The following COL15A1 variants were observed in gnomAD, a reference collection of about 807,000 sequenced individuals.
COL15A1 encodes collagen type XV alpha 1 chain.
Under a neutral mutation model 165.9 loss-of-function variants are expected in COL15A1, and 111 were observed. The ratio of observed to expected loss-of-function variants is 0.67; its 90% CI spans 0.57 to 0.78. The LOEUF (loss-of-function observed/expected upper bound fraction) is 0.78, where lower values mean the gene tolerates loss of function less well. COL15A1 is among the 30% of genes least tolerant of loss of function. The pLI, the probability that COL15A1 is intolerant of heterozygous loss-of-function variation, is 0.00. For missense variants in COL15A1, 1,745 were observed against 1,789.7 expected (o/e 0.98, Z 0.45); for synonymous variants, 659 against 674.8 (o/e 0.98, Z 0.36).
chr9:98,985,538 G>A, intron 2 of COL15A1, 27 bp from the exon 3 acceptor site: 1 of 1,593,100 alleles, frequency 6.3e-7, no homozygotes, highest in Middle Eastern at 1.8e-4. Context: ...TACCTGTAAA[G>A]CGTGGCCTCT....
chr9:99,002,108 C>T (rs1030352264), intron 7 of COL15A1, among the ~76,000 whole-genome samples: 2 of 139,212 alleles, frequency 1.4e-5, no homozygotes, highest in Non-Finnish European at 3.1e-5. Flanking sequence ...CTCTCACCTC[C>T]TCCTTCCCTC....
chr9:99,036,092 G>A (rs868792191), intron 19 of COL15A1, 78 bp from the exon 20 acceptor site: 13 of 1,189,160 alleles, frequency 1.1e-5, no homozygotes, highest in Middle Eastern at 2.7e-4. Context: ...AAAGCTTAGG[G>A]GGAGATGGTG....
At chr9:99,063,273 G>C (rs970735987) in intron 39 of COL15A1, among the ~76,000 whole-genome samples, 164 bp downstream of exon 39, 1 of 152,140 alleles carries the variant, frequency 6.6e-6, no homozygotes, top group East Asian at 1.9e-4. Flanking sequence ...AGTTGTTTGG[G>C]TGAACCAAGC....
At chr9:99,005,155 A>C in intron 9 of COL15A1, 105 bp downstream of exon 9, 1 of 1,209,476 alleles carries the variant, frequency 8.3e-7, no homozygotes. Flanking sequence ...AGCCTGAGGC[A>C]CGGGGATCTC....
chr9:98,970,394 G>A (rs1443758550), intron 2 of COL15A1, among the ~76,000 whole-genome samples: 1 of 152,222 alleles, frequency 6.6e-6, no homozygotes, highest in Non-Finnish European at 1.5e-5. Context: ...AGGAAAGGAG[G>A]GAAATGCAGA....
intron 35 of COL15A1, among the ~76,000 whole-genome samples, chr9:99,059,020 G>A (rs781036449): frequency 3.3e-5 from 5 of 152,174 alleles, no homozygotes; most frequent in Non-Finnish European, 7.3e-5. Flanking sequence ...ACAGCCAAAG[G>A]AATAGTTGTA....
chr9:99,053,119 C>A (rs930164006), intron 31 of COL15A1, among the ~76,000 whole-genome samples: 7 of 152,248 alleles, frequency 4.6e-5, no homozygotes, highest in African/African-American at 1.7e-4. Context: ...ATCAGAAAGG[C>A]ACAGGCCAGG....
intron 2 of COL15A1, among the ~76,000 whole-genome samples, chr9:98,964,305 G>T (rs16918101): frequency 0.088 from 13,292 of 151,562 alleles, 816 homozygotes; most frequent in East Asian, 0.3. Flanking sequence ...TCCACAGGCT[G>T]TTCCTCCAGC....
Position 99,015,567 on chromosome 9 carries a change from G to GT in COL15A1, c.1503+2dup. The GT allele has an allele frequency of 6.2e-7, 1 of 1,613,392 alleles. No individual in the cohort carries two copies. The highest frequency in any genetic ancestry group is 8.5e-7 in the Non-Finnish European group (1 of 1,179,674). On this transcript the variant is annotated splice_donor_variant, in intron 10 of 41. Coordinates refer to ENST00000375001, the MANE Select transcript of COL15A1 (RefSeq NM_001855.5). LOFTEE classifies it high-confidence loss of function. ...GGCCCCTGAGCGGGCAGTCACTTCT[G>GT]TAAGTGTCATCTTGTGTCCTCTCTG...
At chr9:98,991,196 G>A (rs1003097600) in intron 5 of COL15A1, among the ~76,000 whole-genome samples, 1 of 152,152 alleles carries the variant, frequency 6.6e-6, no homozygotes, top group African/African-American at 2.4e-5. Flanking sequence ...TTCCACAATG[G>A]GAAAAGGACC....
intron 27 of COL15A1, 26 bp from the exon 28 acceptor site, chr9:99,047,915 A>C (rs1428266354): frequency 2.5e-6 from 4 of 1,609,530 alleles, no homozygotes; most frequent in Non-Finnish European, 2.6e-6. Context: ...CGGAGGGTTT[A>C]CTGAGGTGTC....
intron 3 of COL15A1, 72 bp from the exon 4 acceptor site, chr9:98,987,222 A>C (rs16918110): frequency 0.014 from 20,278 of 1,450,680 alleles, 1,078 homozygotes; most frequent in Admixed American, 0.13. Context: ...TTGCCAAAAC[A>C]ATCATGTCTT....
intron 9 of COL15A1, among the ~76,000 whole-genome samples, chr9:99,007,591 G>A (rs1002873211): frequency 3.3e-5 from 5 of 152,062 alleles, no homozygotes; most frequent in East Asian, 3.8e-4. Context: ...AGAAAATAGC[G>A]GGAGGGAGAA....
At chr9:99,029,547 A>C (rs1839181409) in intron 16 of COL15A1, among the ~76,000 whole-genome samples, 1 of 152,272 alleles carries the variant, frequency 6.6e-6, no homozygotes, top group Non-Finnish European at 1.5e-5. Context: ...GAAACACTGA[A>C]ATAGTTGCCT....
chr9:99,020,751 A>G (rs1839012501), intron 12 of COL15A1, among the ~76,000 whole-genome samples: 1 of 152,172 alleles, frequency 6.6e-6, no homozygotes, highest in African/African-American at 2.4e-5. Flanking sequence ...ATCTGCAACC[A>G]GTTTTCTTCA....
At chr9:99,062,914 A>T in intron 38 of COL15A1, 136 bp from the exon 39 acceptor site, 1 of 1,006,420 alleles carries the variant, frequency 9.9e-7, no homozygotes, top group Non-Finnish European at 1.4e-6. Flanking sequence ...CTTTACAGTT[A>T]AGAGTCACAG....
chr9:98,991,053 G>A (rs916647557), intron 5 of COL15A1, among the ~76,000 whole-genome samples: 3 of 152,108 alleles, frequency 2.0e-5, no homozygotes, highest in Admixed American at 6.5e-5. Flanking sequence ...TGTTCCTCCC[G>A]GTGGGTTCAT....
intron 2 of COL15A1, among the ~76,000 whole-genome samples, chr9:98,949,902 C>T (rs1004761840): frequency 6.6e-6 from 1 of 152,172 alleles, no homozygotes; most frequent in African/African-American, 2.4e-5. Context: ...TATGGACTTG[C>T]CTATTCTAGA....
chr9:98,987,799 C>T (rs1838341404), intron 4 of COL15A1, among the ~76,000 whole-genome samples: 1 of 152,190 alleles, frequency 6.6e-6, no homozygotes. Context: ...CTCCTTCTTC[C>T]CTCCCTCTAA....
Sources: gnomAD v4.1 joint callset for allele counts (sites outside exome capture counted in the v4.1 genomes callset) on GRCh38, gnomAD v4.1.1 for gene constraint, MANE v1.5 for transcripts, NCBI Gene and HGNC (gene_info 2026-07-23, HGNC 2026-07-21) for gene names.